NTRK2: variants seen among roughly 807,000 people sequenced by gnomAD.
NTRK2 encodes the protein neurotrophic receptor tyrosine kinase 2.
In NTRK2, 13 loss-of-function variants were observed where a neutral mutation model predicts 94.5. The observed-to-expected ratio is 0.14, with a 90% CI of 0.09 to 0.22. The LOEUF (loss-of-function observed/expected upper bound fraction) is 0.22. Ranked by LOEUF, NTRK2 falls within the 10% of genes least tolerant of loss-of-function variation. The pLI is 1.00. For missense variants in NTRK2, 639 were observed against 1,071.2 expected (o/e 0.60, Z 5.63); for synonymous variants, 372 against 407.4 (o/e 0.91, Z 1.05).
chr9:84,760,698 G>A (rs544631595), intron 12 of NTRK2, among the ~76,000 whole-genome samples: 4 of 152,168 alleles, frequency 2.6e-5, no homozygotes, highest in Non-Finnish European at 5.9e-5. Context: ...GATTTGGTAT[G>A]TAGGTTTTAG....
intron 14 of NTRK2, chr9:84,874,374 C>T (rs2132137737): frequency 9.4e-7 from 1 of 1,065,174 alleles, no homozygotes; most frequent in Non-Finnish European, 1.1e-6. Flanking sequence ...AGGTTTTCTC[C>T]CTGGGAAATG....
intron 2 of NTRK2, among the ~76,000 whole-genome samples, chr9:84,686,045 C>T (rs1419973320): frequency 1.3e-5 from 2 of 152,210 alleles, no homozygotes; most frequent in Non-Finnish European, 2.9e-5. Flanking sequence ...TATATATACA[C>T]ATAAATCTAT....
intron 2 of NTRK2, among the ~76,000 whole-genome samples, chr9:84,690,949 A>C (rs1049049903): frequency 1.3e-5 from 2 of 152,184 alleles, no homozygotes; most frequent in Non-Finnish European, 2.9e-5. Context: ...TCAGTTTTTC[A>C]TCAGTATTTG....
At chr9:84,695,012 G>A (rs576183702) in intron 2 of NTRK2, among the ~76,000 whole-genome samples, 68 of 133,720 alleles carry the variant, frequency 5.1e-4, no homozygotes, top group African/African-American at 1.5e-3. Context: ...CCGAGATCGC[G>A]CCACTGCACT....
intron 12 of NTRK2, among the ~76,000 whole-genome samples, chr9:84,793,236 G>A (rs1222878282): frequency 6.6e-6 from 1 of 151,842 alleles, no homozygotes; most frequent in East Asian, 1.9e-4. Flanking sequence ...GAAATTGGAA[G>A]AAAATACCAT....
At chr9:84,990,701 C>T (rs1828946696) in intron 17 of NTRK2, among the ~76,000 whole-genome samples, 1 of 152,182 alleles carries the variant, frequency 6.6e-6, no homozygotes, top group Non-Finnish European at 1.5e-5. Context: ...ACCCCTTTGA[C>T]ATTACGTGCG....
At position 84,719,091 on chromosome 9, in the gene NTRK2, A is replaced by T. The variant is rs140362259; in HGVS notation, c.584-4482A>T. Among the ~76,000 whole-genome samples the T allele has an allele frequency of 7.9e-5, 12 of 152,314 alleles. No individual in the cohort carries two copies. In the South Asian group the frequency reaches 8.3e-4, roughly 11 times the overall value. On this transcript the variant is annotated intron_variant, in intron 6 of 18. Coordinates refer to ENST00000277120, the MANE Select transcript of NTRK2 (RefSeq NM_006180.6). ...AAATGAAATAATTCCTTTATCAAGGAATCATAAATACCACTTTATCAGTGG... is the reference window on the plus strand; with the variant it reads ...AAATGAAATAATTCCTTTATCAAGGTATCATAAATACCACTTTATCAGTGG...
At chr9:84,834,832 T>C (rs58748420) in intron 12 of NTRK2, among the ~76,000 whole-genome samples, 19,857 of 152,154 alleles carry the variant, frequency 0.13, 1,629 homozygotes, top group African/African-American at 0.23. Context: ...TAATGCTCTG[T>C]TGTCAAGATT....
chr9:84,992,752 T>C (rs747912432), intron 17 of NTRK2, among the ~76,000 whole-genome samples: 43 of 152,128 alleles, frequency 2.8e-4, no homozygotes, highest in Admixed American at 7.9e-4. Context: ...CCAATGTCAA[T>C]TTCCTGTGCT....
At chr9:84,875,143 T>G in intron 14 of NTRK2, 1 of 1,059,924 alleles carries the variant, frequency 9.4e-7, no homozygotes, top group Non-Finnish European at 1.1e-6. Context: ...TCTTGTAATA[T>G]AAAGTCTGAC....
intron 17 of NTRK2, among the ~76,000 whole-genome samples, chr9:84,961,604 C>G (rs1232287959): frequency 6.6e-6 from 1 of 152,090 alleles, no homozygotes; most frequent in East Asian, 1.9e-4. Flanking sequence ...GCGTGAGAGT[C>G]CTCTCATTCA....
At chr9:84,744,111 A>G (rs2132355356) in intron 10 of NTRK2, among the ~76,000 whole-genome samples, 1 of 152,168 alleles carries the variant, frequency 6.6e-6, no homozygotes, top group South Asian at 2.1e-4. Context: ...AACATTATAA[A>G]CCTCATTGTT....
At chr9:84,996,596 C>T (rs938249263) in intron 17 of NTRK2, among the ~76,000 whole-genome samples, 1 of 152,178 alleles carries the variant, frequency 6.6e-6, no homozygotes, top group Non-Finnish European at 1.5e-5. Flanking sequence ...TGAGCTGGTT[C>T]CAGGAGATAC....
At chr9:84,720,570 A>T (rs1196763648) in intron 6 of NTRK2, among the ~76,000 whole-genome samples, 5 of 152,162 alleles carry the variant, frequency 3.3e-5, no homozygotes, top group Non-Finnish European at 7.4e-5. Context: ...AATTTGTGCG[A>T]TGTTTCTAGT....
rs1212248251 is a variant in NTRK2, at chr9:84,741,946, A to G, written c.1195+19A>G. 1 of 1,602,702 alleles carries G rather than the reference A, an allele frequency of 6.2e-7. No homozygotes were observed. The highest frequency in any genetic ancestry group is 8.5e-7 in the Non-Finnish European group (1 of 1,171,560). ...TATGAAGGTAGCTATCGTGTTTTCTACTTTGTATTTCTTTTTCAAAATGTT... is the reference window on the plus strand; with the variant it reads ...TATGAAGGTAGCTATCGTGTTTTCTGCTTTGTATTTCTTTTTCAAAATGTT... On this transcript the variant is annotated intron_variant, in intron 10 of 18. Coordinates refer to ENST00000277120, the MANE Select transcript of NTRK2 (RefSeq NM_006180.6).
intron 17 of NTRK2, among the ~76,000 whole-genome samples, chr9:85,004,302 G>T (rs890727600): frequency 2.6e-5 from 4 of 152,096 alleles, no homozygotes; most frequent in Non-Finnish European, 2.9e-5. Context: ...ATAGTTTCCA[G>T]TTAATTTGCA....
chr9:84,693,788 G>A (rs966926481), intron 2 of NTRK2, among the ~76,000 whole-genome samples: 2 of 152,232 alleles, frequency 1.3e-5, no homozygotes, highest in African/African-American at 4.8e-5. Context: ...TAGCCAGTAA[G>A]AGGTGAAGCT....
intron 14 of NTRK2, chr9:84,874,222 C>T: frequency 9.4e-7 from 1 of 1,065,364 alleles, no homozygotes; most frequent in Admixed American, 5.3e-5. Context: ...TGCAGAGTAG[C>T]CTCCTATGTT....
At chr9:84,721,301 A>C (rs567107050) in intron 6 of NTRK2, among the ~76,000 whole-genome samples, 45 of 151,602 alleles carry the variant, frequency 3.0e-4, no homozygotes, top group Non-Finnish European at 5.5e-4. Context: ...TCAGCCTCCC[A>C]AGTAGCTGGG....
Sources: allele counts gnomAD v4.1 joint callset (sites outside exome capture counted in the v4.1 genomes callset), GRCh38; gene constraint gnomAD v4.1.1; transcripts MANE v1.5; gene names NCBI Gene and HGNC (gene_info 2026-07-23, HGNC 2026-07-21).